Variants in ARNT2 observed in about 807,000 individuals in gnomAD.
ARNT2 encodes aryl hydrocarbon receptor nuclear translocator 2.
ARNT2 carries 36 observed loss-of-function variants against 91.7 expected under a neutral mutation model. The observed-to-expected ratio is 0.39, with a 90% confidence interval of 0.30 to 0.52. The LOEUF is 0.52. Among genes scored for constraint, ARNT2 ranks in the 20% least tolerant of loss-of-function variants. The pLI is 0.72. For missense variants in ARNT2, 775 were observed against 939.3 expected (o/e 0.83, Z 2.29); for synonymous variants, 365 against 347.1 (o/e 1.05, Z -0.57).
At chr15:80,559,150 A>T (rs2141463022) in intron 11 of ARNT2, among the ~76,000 whole-genome samples, 1 of 152,342 alleles carries the variant, frequency 6.6e-6, no homozygotes, top group East Asian at 1.9e-4. Context: ...AGCACATCCA[A>T]GGCTTCAGAC....
intron 4 of ARNT2, among the ~76,000 whole-genome samples, chr15:80,474,039 A>G (rs767799979): frequency 4.5e-4 from 68 of 152,198 alleles, no homozygotes; most frequent in Admixed American, 7.9e-4. Context: ...GGGAAGACTT[A>G]GTGCCTGGCT....
At chr15:80,541,518 C>T (rs570717461) in intron 8 of ARNT2, among the ~76,000 whole-genome samples, 12 of 152,086 alleles carry the variant, frequency 7.9e-5, no homozygotes, top group Admixed American at 2.0e-4. Context: ...CAATTTTTTT[C>T]GTTGCAATTG....
chr15:80,561,072 T>C (rs951168058), intron 11 of ARNT2, among the ~76,000 whole-genome samples: 2 of 152,146 alleles, frequency 1.3e-5, no homozygotes, highest in African/African-American at 4.8e-5. Flanking sequence ...CTTGCAGGTC[T>C]TGAGGATAGA....
At chr15:80,529,736 G>A (rs1352949595) in intron 8 of ARNT2, among the ~76,000 whole-genome samples, 1 of 152,104 alleles carries the variant, frequency 6.6e-6, no homozygotes, top group African/African-American at 2.4e-5. Context: ...ACTTTAGGAT[G>A]TTCTGTATTG....
chr15:80,533,763 C>G (rs546100373), intron 8 of ARNT2, among the ~76,000 whole-genome samples: 1 of 152,362 alleles, frequency 6.6e-6, no homozygotes, highest in Admixed American at 6.5e-5. Context: ...AATCCCACTG[C>G]TCCTGTGCCA....
intron 8 of ARNT2, among the ~76,000 whole-genome samples, chr15:80,522,669 A>G (rs927942625): frequency 1.3e-5 from 2 of 151,982 alleles, no homozygotes; most frequent in African/African-American, 4.8e-5. Context: ...TAATAAAAAT[A>G]TGGTATTGTA....
chr15:80,530,722 T>G (rs1313793934), intron 8 of ARNT2, among the ~76,000 whole-genome samples: 1 of 152,164 alleles, frequency 6.6e-6, no homozygotes, highest in Non-Finnish European at 1.5e-5. Context: ...CTTCAAAGCT[T>G]TGCCTTGCAA....
chr15:80,452,818 C>T (rs1379163433), intron 2 of ARNT2, among the ~76,000 whole-genome samples: 7 of 152,216 alleles, frequency 4.6e-5, no homozygotes, highest in African/African-American at 7.2e-5. Flanking sequence ...GCCTGGGCTG[C>T]GGTGAGCCGA....
At chr15:80,512,588 C>T (rs113381853) in intron 6 of ARNT2, among the ~76,000 whole-genome samples, 3,839 of 152,300 alleles carry the variant, frequency 0.025, 74 homozygotes, top group African/African-American at 0.057. Flanking sequence ...TAGTCAGTCA[C>T]GGCATGTTTG....
In ARNT2 at chr15:80,450,955, C is replaced by T. The variant is rs762759855; in HGVS notation, c.107C>T (p.Ala36Val). ...PMAATGQVRM[A>V]GAMPARGGKR... ...GCGGCCACCGGACAGGTGAGGATGG[C>T]GGGGGCCATGCCTGCCCGTGGAGGA... Residue 36 changes from alanine to valine, a missense_variant, in exon 2 of 19, where the codon GCG becomes GTG. By Grantham distance (64) the Ala-to-Val change is moderately conservative. Coordinates refer to ENST00000303329, the MANE Select transcript of ARNT2 (RefSeq NM_014862.4). 5.0e-6 allele frequency: 8 copies of T among 1,614,096 alleles called. No individual in the cohort carries two copies. In the Admixed American group the frequency reaches 8.3e-5, roughly 17 times the overall value.
intron 1 of ARNT2, among the ~76,000 whole-genome samples, chr15:80,412,242 A>G (rs1895692457): frequency 6.6e-6 from 1 of 152,242 alleles, no homozygotes; most frequent in African/African-American, 2.4e-5. Context: ...CTGCTTTTGT[A>G]CATTGTATGA....
chr15:80,513,351 C>T (rs1897373498), intron 6 of ARNT2, among the ~76,000 whole-genome samples: 1 of 152,214 alleles, frequency 6.6e-6, no homozygotes, highest in Admixed American at 6.5e-5. Context: ...GTTTATCTCT[C>T]ATCCCCACGC....
intron 17 of ARNT2, among the ~76,000 whole-genome samples, chr15:80,585,115 G>A (rs1026853928): frequency 6.6e-6 from 1 of 152,184 alleles, no homozygotes; most frequent in African/African-American, 2.4e-5. Context: ...TCAAGCCAAA[G>A]CATTTCTTCC....
chr15:80,475,936 A>T (rs1009495361), intron 5 of ARNT2, among the ~76,000 whole-genome samples: 3 of 152,246 alleles, frequency 2.0e-5, no homozygotes, highest in Non-Finnish European at 4.4e-5. Flanking sequence ...GTTTCTAAAA[A>T]TCACTGCAGT....
At chr15:80,496,889 G>A (rs1014534738) in intron 5 of ARNT2, among the ~76,000 whole-genome samples, 35 of 152,230 alleles carry the variant, frequency 2.3e-4, no homozygotes, top group African/African-American at 8.4e-4. Context: ...GGGCCACTGT[G>A]CAGTCATGAC....
intron 3 of ARNT2, among the ~76,000 whole-genome samples, chr15:80,465,514 C>T (rs982085159): frequency 2.6e-5 from 4 of 152,172 alleles, no homozygotes; most frequent in Non-Finnish European, 2.9e-5. Flanking sequence ...AGACATTCCA[C>T]GTGTGTAGAG....
At chr15:80,564,779 G>A (rs954056916) in intron 12 of ARNT2, among the ~76,000 whole-genome samples, 1 of 150,882 alleles carries the variant, frequency 6.6e-6, no homozygotes. Context: ...GAGAACACGC[G>A]GTATTTGGTT....
intron 17 of ARNT2, 41 bp downstream of exon 17, chr15:80,581,445 C>A (rs376113354): frequency 3.7e-6 from 6 of 1,610,812 alleles, no homozygotes; most frequent in East Asian, 2.2e-5. Context: ...GGAAAGCCAG[C>A]ACAAATGCTT....
chr15:80,425,033 CTA>C (rs1895913929), intron 1 of ARNT2, among the ~76,000 whole-genome samples: 1 of 152,206 alleles, frequency 6.6e-6, no homozygotes, highest in Non-Finnish European at 1.5e-5. Flanking sequence ...TAAAATAAAA[CTA>C]TATCATGAAC....
Sources: allele counts gnomAD v4.1 joint callset (sites outside exome capture counted in the v4.1 genomes callset), GRCh38; gene constraint gnomAD v4.1.1; transcripts MANE v1.5; gene names NCBI Gene and HGNC (gene_info 2026-07-23, HGNC 2026-07-21).